RCN3: variants seen among roughly 807,000 people sequenced by gnomAD.
RCN3 encodes the protein reticulocalbin 3, also known as reticulocalbin-3.
A neutral mutation model predicts 35.9 loss-of-function variants in RCN3; 41 were observed. That is an observed-to-expected ratio of 1.14 (90% CI 0.89 to 1.48). RCN3 has a LOEUF of 1.48. Among genes scored for constraint, RCN3 ranks in the 40% most tolerant of loss-of-function variants. The pLI, the probability that RCN3 is intolerant of heterozygous loss-of-function variation, is 0.00. For missense variants in RCN3, 451 were observed against 471.3 expected, an observed-to-expected ratio of 0.96 and a Z score of 0.40; for synonymous variants, 187 against 193.4, an observed-to-expected ratio of 0.97 and a Z score of 0.27.
At chr19:49,536,164 T>C (rs2080133937) in intron 3 of RCN3, among the ~76,000 whole-genome samples, 1 of 150,920 alleles carries the variant, frequency 6.6e-6, no homozygotes, top group Non-Finnish European at 1.5e-5. Flanking sequence ...TTTTGTATTT[T>C]TAGTAGAGAT....
In RCN3 at chr19:49,534,196, G is replaced by C; in HGVS notation, c.246G>C (p.Arg82=). Residue 82 remains arginine, a synonymous_variant, in exon 3 of 7, where the codon CGG becomes CGC. Coordinates refer to ENST00000270645, the MANE Select transcript of RCN3 (RefSeq NM_020650.3). ...GTGTGCCCGCCCCGGCTTCTAGGCGGATCGTGGACCGCATGGACCGCGCGG... is the reference window on the plus strand; with the variant it reads ...GTGTGCCCGCCCCGGCTTCTAGGCGCATCGTGGACCGCATGGACCGCGCGG... ...TPEESQARLG[R]IVDRMDRAGD... 6.7e-7 allele frequency: 1 copy of C among 1,491,922 alleles called. No homozygotes were observed. The allele number at this position is 1,491,922 out of a possible 1,614,324, so 92.4% of individuals were successfully genotyped here.
intron 5 of RCN3, among the ~76,000 whole-genome samples, chr19:49,539,810 C>T (rs2122737695): frequency 6.6e-6 from 1 of 151,348 alleles, no homozygotes. Context: ...GCAACCTCCG[C>T]CTCCCGGGCT....
chr19:49,538,462 C>T (rs1052382879), intron 4 of RCN3, among the ~76,000 whole-genome samples: 8 of 151,920 alleles, frequency 5.3e-5, no homozygotes, highest in African/African-American at 1.2e-4. Flanking sequence ...CCACCACGCC[C>T]GGCCATGCCT....
In RCN3 at chr19:49,543,304, A is replaced by G; in HGVS notation, c.*91A>G. ...GGCCCCCTCCCTGTCCAGGCCCCGC[A>G]GGAGGCAGATGCAGTCCCAGGCATC... On this transcript the variant is annotated 3_prime_UTR_variant, in exon 7 of 7. Coordinates refer to ENST00000270645, the MANE Select transcript of RCN3 (RefSeq NM_020650.3). 9.5e-7 allele frequency: 1 copy of G among 1,058,186 alleles called. No homozygotes were observed. The highest frequency in any genetic ancestry group is 2.6e-5 in the East Asian group (1 of 38,878). The allele number at this position is 1,058,186 out of a possible 1,614,324, so 65.5% of individuals were successfully genotyped here.
chr19:49,529,740 T>TTTTATTTA (rs57928834), intron 2 of RCN3, among the ~76,000 whole-genome samples: 266 of 151,038 alleles, frequency 1.8e-3, no homozygotes, highest in African/African-American at 5.3e-3. Flanking sequence ...GAGTTGCAAT[T>TTTTATTTA]TTTATTTATT....
Position 49,534,191 on chromosome 19 carries a change from A to G in RCN3, c.243-2A>G. ...CTGACGTGTGCCCGCCCCGGCTTCT[A>G]GGCGGATCGTGGACCGCATGGACCG... On this transcript the variant is annotated splice_acceptor_variant, in intron 2 of 6. Coordinates refer to ENST00000270645, the MANE Select transcript of RCN3 (RefSeq NM_020650.3). LOFTEE classifies it high-confidence loss of function. 5 of 1,487,076 alleles carry G rather than the reference A, an allele frequency of 3.4e-6. No individual in the cohort carries two copies. The South Asian group carries it at 3.9e-5, about 11-fold the overall frequency. The allele number at this position is 1,487,076 out of a possible 1,614,324, so 92.1% of individuals were successfully genotyped here. A position where few individuals can be genotyped will look rare whatever the true frequency, so the allele number is the denominator to read the frequency against.
chr19:49,542,908 C>G (rs45531336), intron 6 of RCN3, among the ~76,000 whole-genome samples, 156 bp downstream of exon 6: 13,212 of 148,460 alleles, frequency 0.089, 772 homozygotes, highest in African/African-American at 0.17. Context: ...GGGCACGGAG[C>G]CCCAGAAAGA....
At chr19:49,536,146 C>G (rs1331204927) in intron 3 of RCN3, among the ~76,000 whole-genome samples, 1 of 150,552 alleles carries the variant, frequency 6.6e-6, no homozygotes, top group Non-Finnish European at 1.5e-5. Context: ...GCCACCACGC[C>G]TGGCTAATTT....
At chr19:49,541,004 C>T (rs557643117) in intron 5 of RCN3, among the ~76,000 whole-genome samples, 9 of 151,524 alleles carry the variant, frequency 5.9e-5, no homozygotes, top group African/African-American at 2.2e-4. Flanking sequence ...GATCTCGGCT[C>T]ACTGCAACCT....
chr19:49,528,581 G>C lies in RCN3; in HGVS notation c.109G>C (p.Ala37Pro). Residue 37 changes from alanine (A) to proline (P), a missense_variant, in exon 2 of 7, where the codon GCG becomes CCG. Coordinates refer to ENST00000270645, the MANE Select transcript of RCN3 (RefSeq NM_020650.3). ...GPHGQGRVHQ[A>P]APLSDAPHDD... ...TCATGGCCAGGGGAGGGTGCACCAG[G>C]CGGCCCCCCTGAGCGACGCTCCCCA... 6.2e-7 allele frequency: 1 copy of C among 1,608,944 alleles called. No homozygotes were observed. Among genetic ancestry groups the C allele is most frequent in the Non-Finnish European group, 8.5e-7 (1 of 1,177,794 alleles).
At position 49,535,849 on chromosome 19, in the gene RCN3, C is replaced by CAA. The variant is rs777910956; in HGVS notation, c.446-1172_446-1171dup. Among the ~76,000 whole-genome samples the CAA allele has an allele frequency of 8.6e-3, 924 of 107,958 alleles. 13 individuals are homozygous for CAA. Among genetic ancestry groups the CAA allele is most frequent in the African/African-American group, 0.026 (759 of 29,172 alleles). The allele number at this position is 107,958 out of a possible 152,430, so 70.8% of individuals were successfully genotyped here. On this transcript the variant is annotated intron_variant, in intron 3 of 6. Coordinates refer to ENST00000270645, the MANE Select transcript of RCN3 (RefSeq NM_020650.3). ...TTGGCGACAGAGTGAGACTCTGTCT[C>CAA]AAAAAAAAAAAAATATATATATATA...
At chr19:49,542,873 GGACA>G in intron 6 of RCN3, 121 bp downstream of exon 6, 1 of 1,013,808 alleles carries the variant, frequency 9.9e-7, no homozygotes, top group South Asian at 1.7e-5. Context: ...AAAAAAAGAG[GGACA>G]GAGAGAGGGA....
In RCN3 at chr19:49,538,973, C is replaced by G. The variant is rs372613219; in HGVS notation, c.619-146C>G. 1.2e-3 allele frequency: 646 copies of G among 554,602 alleles called. 7 individuals are homozygous for G. Among genetic ancestry groups the G allele is most frequent in the African/African-American group, 0.011 (583 of 52,576 alleles). 34.4% of individuals were successfully genotyped at this position (554,602 alleles called of 1,614,324 possible). On this transcript the variant is annotated intron_variant, in intron 4 of 6. Transcript: ENST00000270645. ...AAGCCCGCAAATTTCCCACATGCCA[C>G]CTGTTGAGACTGCTCTACTGCCTGC...
intron 2 of RCN3, among the ~76,000 whole-genome samples, chr19:49,533,531 A>G (rs891432966): frequency 6.6e-6 from 1 of 151,956 alleles, no homozygotes; most frequent in Non-Finnish European, 1.5e-5. Flanking sequence ...GGGGCACAGG[A>G]GCCCGGAGGA....
chr19:49,539,665 T>C (rs1004910849), intron 5 of RCN3, among the ~76,000 whole-genome samples: 1 of 151,756 alleles, frequency 6.6e-6, no homozygotes, highest in Non-Finnish European at 1.5e-5. Context: ...CCCCTGCCAC[T>C]GTCCCTGCCC....
chr19:49,535,715 T>G (rs2080130495), intron 3 of RCN3, among the ~76,000 whole-genome samples: 1 of 151,688 alleles, frequency 6.6e-6, no homozygotes, highest in African/African-American at 2.4e-5. Context: ...CTGGGCGTGA[T>G]GGTGTGCACC....
intron 5 of RCN3, among the ~76,000 whole-genome samples, chr19:49,542,151 G>A (rs988010132): frequency 1.3e-5 from 2 of 152,096 alleles, no homozygotes; most frequent in African/African-American, 4.8e-5. Context: ...TCCTGCCTGG[G>A]TCTCCCAAAG....
At chr19:49,536,247 A>G (rs1355017203) in intron 3 of RCN3, among the ~76,000 whole-genome samples, 2 of 149,470 alleles carry the variant, frequency 1.3e-5, no homozygotes, top group Non-Finnish European at 3.0e-5. Flanking sequence ...CGGCCTCCCA[A>G]AGTGCTGTGA....
chr19:49,533,876 G>A (rs2080121013), intron 2 of RCN3, among the ~76,000 whole-genome samples: 2 of 152,160 alleles, frequency 1.3e-5, no homozygotes, highest in African/African-American at 2.4e-5. Context: ...GGTGCAGCAC[G>A]TGCAGGCCGA....
Sources: allele counts gnomAD v4.1 joint callset (sites outside exome capture counted in the v4.1 genomes callset), GRCh38; gene constraint gnomAD v4.1.1; transcripts MANE v1.5; gene names NCBI Gene and HGNC (gene_info 2026-07-23, HGNC 2026-07-21).